KIAA1614: variants seen among roughly 807,000 people sequenced by gnomAD.
The protein encoded by KIAA1614 is uncharacterized protein KIAA1614.
Under a neutral mutation model 88.7 loss-of-function variants are expected in KIAA1614, and 76 were observed. The ratio of observed to expected loss-of-function variants is 0.86; its 90% CI spans 0.71 to 1.04. The LOEUF (loss-of-function observed/expected upper bound fraction) is 1.04, where lower values mean the gene tolerates loss of function less well. Among genes scored for constraint, KIAA1614 ranks in the 50% least tolerant of loss-of-function variants. KIAA1614 has a pLI of 0.00. For missense variants in KIAA1614, 1,553 were observed against 1,582.5 expected (o/e 0.98, Z 0.32); for synonymous variants, 714 against 675.5 (o/e 1.06, Z -0.88).
chr1:180,940,105 T>C (rs1386761158), intron 6 of KIAA1614, among the ~76,000 whole-genome samples: 1 of 152,242 alleles, frequency 6.6e-6, no homozygotes, highest in Non-Finnish European at 1.5e-5. Flanking sequence ...TTGGTTTTCA[T>C]GGTCTGTTGT....
chr1:180,939,104 C>G (rs111393290), intron 6 of KIAA1614, among the ~76,000 whole-genome samples: 2,330 of 152,210 alleles, frequency 0.015, 69 homozygotes, highest in African/African-American at 0.054. Context: ...TCAGCTCAGG[C>G]AGAGCTGGGG....
chr1:180,931,754 G>A (rs1351071516), intron 4 of KIAA1614, among the ~76,000 whole-genome samples: 1 of 152,218 alleles, frequency 6.6e-6, no homozygotes, highest in Non-Finnish European at 1.5e-5. Flanking sequence ...GTGGCTCATG[G>A]GACCTGGGCT....
chr1:180,948,348 C>A lies in KIAA1614; in HGVS notation c.*2760C>A, dbSNP rs1349417106. ...GCTTTCACATCCGACTCTATATGAGCCTGTGAGAACAGCAGGCTTTGCCTT... is the reference window on the plus strand; with the variant it reads ...GCTTTCACATCCGACTCTATATGAGACTGTGAGAACAGCAGGCTTTGCCTT... On this transcript the variant is annotated 3_prime_UTR_variant, in exon 9 of 9. Transcript: ENST00000367588. 1 of 152,252 alleles carries A rather than the reference C, an allele frequency of 6.6e-6. No individual in the cohort carries two copies. The highest frequency in any genetic ancestry group is 2.4e-5 in the African/African-American group (1 of 41,458). The allele number at this position is 152,252 out of a possible 1,614,324, so 9.4% of individuals were successfully genotyped here. A position where few individuals can be genotyped will look rare whatever the true frequency, so the allele number is the denominator to read the frequency against.
chr1:180,915,791 A>T (rs1571280615), intron 1 of KIAA1614, among the ~76,000 whole-genome samples: 1 of 152,256 alleles, frequency 6.6e-6, no homozygotes, highest in Admixed American at 6.5e-5. Flanking sequence ...CTCCTGTCAG[A>T]CCAGCAGTGG....
chr1:180,927,848 T>C (rs758416935), intron 3 of KIAA1614, among the ~76,000 whole-genome samples: 11 of 152,196 alleles, frequency 7.2e-5, no homozygotes, highest in Non-Finnish European at 1.0e-4. Flanking sequence ...CTGATGGTTT[T>C]GGATTGGGAC....
chr1:180,918,929 T>C (rs1653885211), intron 3 of KIAA1614, among the ~76,000 whole-genome samples: 1 of 152,186 alleles, frequency 6.6e-6, no homozygotes, highest in African/African-American at 2.4e-5. Flanking sequence ...AGATTCAGCA[T>C]CTGGTGAGGG....
rs774132007 is a variant in KIAA1614, at chr1:180,936,115, C to G, written c.2206C>G (p.Pro736Ala). ...AGGGCTGGGAAGTCACCAGCCTCACCCTTTGGATTCCCGGACTCCATGCAG... is the reference window on the plus strand; with the variant it reads ...AGGGCTGGGAAGTCACCAGCCTCACGCTTTGGATTCCCGGACTCCATGCAG... ...GPGLGSHQPH[P>A]LDSRTPCRTA... is the part of the protein sequence containing the mutation. The change falls in exon 5 of 9, where the codon CCT becomes GCT. Residue 736 changes from proline (P) to alanine (A), a missense_variant. Coordinates refer to ENST00000367588, the MANE Select transcript of KIAA1614 (RefSeq NM_020950.2). The G allele has an allele frequency of 1.9e-6, 3 of 1,614,148 alleles. No homozygotes were observed. The highest frequency in any genetic ancestry group is 2.2e-5 in the South Asian group (2 of 91,080).
chr1:180,917,430 T>C (rs1445359320), intron 2 of KIAA1614, among the ~76,000 whole-genome samples: 1 of 149,738 alleles, frequency 6.7e-6, no homozygotes, highest in Non-Finnish European at 1.5e-5. Context: ...CTCCCTCAAG[T>C]GACATGCCCT....
chr1:180,936,301 A>C lies in KIAA1614; in HGVS notation c.2392A>C (p.Thr798Pro). 6.2e-7 allele frequency: 1 copy of C among 1,614,186 alleles called. No homozygotes were observed. The highest frequency in any genetic ancestry group is 8.5e-7 in the Non-Finnish European group (1 of 1,180,012). Residue 798 changes from threonine to proline, a missense_variant, in exon 5 of 9, where the codon ACA becomes CCA. Thr to Pro is a conservative substitution (Grantham distance 38). Transcript: ENST00000367588. Reference sequence around the variant, plus strand: ...TGCCCCACACCAAGCCTGGCAGCCAACAGCTTCCTTGTGTCCTGAAGGCTG... The same window carrying C: ...TGCCCCACACCAAGCCTGGCAGCCACCAGCTTCCTTGTGTCCTGAAGGCTG... The part of the protein sequence containing the change: ...PSAPHQAWQP[T>P]ASLCPEGWAP...
chr1:180,921,377 G>A (rs1653949638), intron 3 of KIAA1614, among the ~76,000 whole-genome samples: 1 of 152,192 alleles, frequency 6.6e-6, no homozygotes, highest in Non-Finnish European at 1.5e-5. Context: ...GGTCACAGGG[G>A]ATACGATGGC....
intron 7 of KIAA1614, among the ~76,000 whole-genome samples, chr1:180,943,534 T>C (rs1343119828): frequency 1.4e-5 from 2 of 144,444 alleles, no homozygotes; most frequent in Non-Finnish European, 3.0e-5. Flanking sequence ...GATTGTAGGA[T>C]TGAATGGTAG....
chr1:180,931,707 A>G (rs566135160), intron 4 of KIAA1614, among the ~76,000 whole-genome samples: 5 of 152,338 alleles, frequency 3.3e-5, no homozygotes, highest in African/African-American at 9.6e-5. Context: ...GGATTGCTCA[A>G]TTCACCACCC....
Position 180,936,089 on chromosome 1 carries a change from C to T in KIAA1614, c.2180C>T (p.Pro727Leu). 1.2e-6 allele frequency: 2 copies of T among 1,614,202 alleles called. No individual in the cohort carries two copies. The highest frequency in any genetic ancestry group is 8.5e-7 in the Non-Finnish European group (1 of 1,180,032). The stretch of plus-strand genomic sequence containing the variant: ...CTGGGACCCCAGTGGCAGCCTGGAC[C>T]AGGGCTGGGAAGTCACCAGCCTCAC... ...VSLGPQWQPG[P>L]GLGSHQPHPL... The change falls in exon 5 of 9, where the codon CCA becomes CTA. Residue 727 changes from proline (P) to leucine (L), a missense_variant. Coordinates refer to ENST00000367588, the MANE Select transcript of KIAA1614 (RefSeq NM_020950.2).
intron 1 of KIAA1614, among the ~76,000 whole-genome samples, chr1:180,915,548 A>G (rs1483257883): frequency 1.3e-5 from 2 of 152,254 alleles, no homozygotes; most frequent in Non-Finnish European, 2.9e-5. Flanking sequence ...GAAAAACTAG[A>G]ACACTACTGA....
chr1:180,936,532 G>T lies in KIAA1614; in HGVS notation c.2623G>T (p.Ala875Ser). The T allele has an allele frequency of 6.2e-7, 1 of 1,614,050 alleles. No homozygotes were observed. The change falls in exon 5 of 9, where the codon GCC (alanine) becomes TCC (serine). Residue 875 changes from alanine to serine, a missense_variant. Ala to Ser is a moderately conservative substitution (Grantham distance 99, BLOSUM62 1). Transcript: ENST00000367588. ...SRPQVRHPLLALSTNNCNNSA... is the reference protein window; with the variant it reads ...SRPQVRHPLLSLSTNNCNNSA... ...CCCTCAGGTCAGGCACCCACTGCTG[G>T]CCCTGTCCACCAACAACTGCAACAA...
intron 3 of KIAA1614, 177 bp from the exon 4 acceptor site, chr1:180,928,253 C>T (rs1297234189): frequency 5.5e-6 from 4 of 730,130 alleles, no homozygotes; most frequent in East Asian, 3.0e-5. Context: ...CAGCCCCAGG[C>T]CCCAGGCCCC....
chr1:180,913,346 C>G lies in KIAA1614; in HGVS notation c.50+53C>G, dbSNP rs545935093. ...CGGCCGGGCGGGGGTGGCGGACCGG[C>G]GGGGCGGAGGAGCGGGGAGCCCAGG... On this transcript the variant is annotated intron_variant, in intron 1 of 8. Transcript: ENST00000367588. The G allele has an allele frequency of 4.0e-3, 4,703 of 1,180,190 alleles. 11 individuals carry two copies. Among genetic ancestry groups the G allele is most frequent in the Non-Finnish European group, 4.8e-3 (4,459 of 934,502 alleles). The allele number at this position is 1,180,190 out of a possible 1,614,324, so 73.1% of individuals were successfully genotyped here. A position where few individuals can be genotyped will look rare whatever the true frequency, so the allele number is the denominator to read the frequency against.
At chr1:180,941,365 G>C in intron 7 of KIAA1614, 80 bp downstream of exon 7, 1 of 1,509,764 alleles carries the variant, frequency 6.6e-7, no homozygotes, top group South Asian at 1.3e-5. Flanking sequence ...AAAGGAGGGA[G>C]GAGGTGATGA....
intron 3 of KIAA1614, among the ~76,000 whole-genome samples, chr1:180,924,886 A>AAATAATAATAATAAT (rs10522338): frequency 0.12 from 16,484 of 142,482 alleles, 1,178 homozygotes; most frequent in East Asian, 0.31. Context: ...GCTAATGATA[A>AAATAATAATAATAAT]AATAATAATA....
Sources: gnomAD v4.1 joint callset for allele counts (sites outside exome capture counted in the v4.1 genomes callset) on GRCh38, gnomAD v4.1.1 for gene constraint, MANE v1.5 for transcripts, NCBI Gene and HGNC (gene_info 2026-07-23, HGNC 2026-07-21) for gene names.